Variants in NCOA3 observed in about 807,000 individuals in gnomAD.
NCOA3 encodes the protein CBP-interacting protein.
NCOA3 carries 51 observed loss-of-function variants against 158.8 expected under a neutral mutation model. That is an observed-to-expected ratio of 0.32 (90% CI 0.26 to 0.41). The LOEUF is 0.41. NCOA3 is among the 10% of genes least tolerant of loss of function. NCOA3 has a pLI of 1.00. For missense variants in NCOA3, 1,510 were observed against 1,746.6 expected, an observed-to-expected ratio of 0.86 and a Z score of 2.41; for synonymous variants, 537 against 592.4, an observed-to-expected ratio of 0.91 and a Z score of 1.36.
At chr20:47,522,045 T>G (rs2084343291) in intron 1 of NCOA3, among the ~76,000 whole-genome samples, 1 of 151,722 alleles carries the variant, frequency 6.6e-6, no homozygotes, top group African/African-American at 2.4e-5. Flanking sequence ...TTTCATTTAT[T>G]TAGGTCTTAT....
chr20:47,639,998 C>G lies in NCOA3; in HGVS notation c.3027C>G (p.Ser1009=). ...GQAAASNQLG[S]WPDGMLSMEQ... is the part of the protein sequence containing the mutation. Reference sequence around the variant, plus strand: ...CAGCAGCATCTAACCAACTGGGTTCCTGGCCCGATGGCATGTTGTCCATGG... The same window carrying G: ...CAGCAGCATCTAACCAACTGGGTTCGTGGCCCGATGGCATGTTGTCCATGG... Residue 1009 remains serine, a synonymous_variant, in exon 16 of 23, where the codon TCC becomes TCG. Transcript: ENST00000371998. 6.2e-7 allele frequency: 1 copy of G among 1,614,198 alleles called. No homozygotes were observed. Among genetic ancestry groups the G allele is most frequent in the Non-Finnish European group, 8.5e-7 (1 of 1,180,042 alleles).
chr20:47,615,882 A>G (rs1421860183), intron 2 of NCOA3, among the ~76,000 whole-genome samples: 2 of 152,100 alleles, frequency 1.3e-5, no homozygotes, highest in Non-Finnish European at 2.9e-5. Context: ...TTGTGACGAG[A>G]CGTGGTGGCT....
intron 1 of NCOA3, among the ~76,000 whole-genome samples, chr20:47,536,299 A>G (rs2084631558): frequency 6.6e-6 from 1 of 152,116 alleles, no homozygotes; most frequent in Non-Finnish European, 1.5e-5. Context: ...ATTTTTTTGT[A>G]GAGAGTGTCT....
chr20:47,634,381 T>G (rs1480955030), intron 10 of NCOA3, among the ~76,000 whole-genome samples, 186 bp downstream of exon 10: 1 of 152,218 alleles, frequency 6.6e-6, no homozygotes, highest in Admixed American at 6.5e-5. Context: ...TGAAAGTGAT[T>G]ATTTATTAAA....
chr20:47,653,107 T>C (rs772990569), intron 22 of NCOA3, 35 bp downstream of exon 22: 3 of 1,611,488 alleles, frequency 1.9e-6, no homozygotes, highest in Non-Finnish European at 2.5e-6. Context: ...TTCAAAAAGT[T>C]TTTCTTGTTC....
At chr20:47,614,393 AT>A (rs1303453851) in intron 2 of NCOA3, among the ~76,000 whole-genome samples, 1 of 152,156 alleles carries the variant, frequency 6.6e-6, no homozygotes, top group African/African-American at 2.4e-5. Flanking sequence ...GTTTTTTCTG[AT>A]TGACTTGAGC....
At chr20:47,512,688 A>C (rs1375014348) in intron 1 of NCOA3, among the ~76,000 whole-genome samples, 1 of 152,202 alleles carries the variant, frequency 6.6e-6, no homozygotes, top group Non-Finnish European at 1.5e-5. Context: ...GGAAACTGAA[A>C]ACTACAATGA....
chr20:47,635,427 C>T lies in NCOA3; in HGVS notation c.1218C>T (p.Asn406=). The T allele has an allele frequency of 2.5e-6, 4 of 1,614,144 alleles. No individual in the cohort carries two copies. The highest frequency in any genetic ancestry group is 1.7e-5 in the Admixed American group (1 of 60,022). Residue 406 remains asparagine, a synonymous_variant, in exon 11 of 23, where the codon AAC becomes AAT. Transcript: ENST00000371998. ...SSVGGMSMSP[N]QGLQMPSSRA... ...TAGGCGGCATGAGTATGTCGCCAAA[C>T]CAAGGCTTACAGATGCCGAGCAGCA...
At chr20:47,518,823 G>A (rs1422850997) in intron 1 of NCOA3, among the ~76,000 whole-genome samples, 2 of 152,084 alleles carry the variant, frequency 1.3e-5, no homozygotes, top group African/African-American at 2.4e-5. Context: ...TGACTCACAT[G>A]CACACGAACA....
intron 1 of NCOA3, among the ~76,000 whole-genome samples, chr20:47,518,037 G>A (rs3092794): frequency 0.46 from 70,429 of 151,800 alleles, 16,890 homozygotes; most frequent in Middle Eastern, 0.61. Context: ...CTGACTCGAG[G>A]GTTGAATTCT....
intron 1 of NCOA3, among the ~76,000 whole-genome samples, chr20:47,524,233 T>C (rs2084390095): frequency 6.6e-6 from 1 of 151,864 alleles, no homozygotes; most frequent in Non-Finnish European, 1.5e-5. Context: ...GAGAGAGACA[T>C]TTATTGAATT....
intron 2 of NCOA3, among the ~76,000 whole-genome samples, chr20:47,585,531 A>G (rs2085522331): frequency 6.6e-6 from 1 of 152,146 alleles, no homozygotes; most frequent in African/African-American, 2.4e-5. Context: ...TTCATTTGGT[A>G]AGCAGGCTTT....
intron 3 of NCOA3, chr20:47,623,057 A>C (rs2086266928): frequency 6.6e-6 from 1 of 152,218 alleles, no homozygotes; most frequent in South Asian, 2.1e-4. Context: ...ATGGGTTATA[A>C]GTTGATATTT....
At chr20:47,622,646 T>G (rs1479084497) in intron 3 of NCOA3, among the ~76,000 whole-genome samples, 3 of 152,146 alleles carry the variant, frequency 2.0e-5, no homozygotes, top group African/African-American at 4.8e-5. Flanking sequence ...CCACCAGACT[T>G]TGTGTGAGCA....
chr20:47,637,602 GTGTC>G (rs1413374004), intron 12 of NCOA3, 42 bp from the exon 13 acceptor site: 1 of 1,480,456 alleles, frequency 6.8e-7, no homozygotes. Context: ...TTATACCTGT[GTGTC>G]TGGTAATGTA....
chr20:47,639,349 G>T, intron 14 of NCOA3, 147 bp downstream of exon 14: 1 of 957,368 alleles, frequency 1.0e-6, no homozygotes. Flanking sequence ...TTTATTCTAT[G>T]TTTTGGTTAT....
chr20:47,543,649 ACTG>A (rs1383581546), intron 1 of NCOA3, among the ~76,000 whole-genome samples: 1 of 151,800 alleles, frequency 6.6e-6, no homozygotes, highest in Admixed American at 6.6e-5. Context: ...AGCTGGGACT[ACTG>A]GTGCGCACCA....
At chr20:47,597,972 G>A (rs1015899972) in intron 2 of NCOA3, among the ~76,000 whole-genome samples, 19 of 151,742 alleles carry the variant, frequency 1.3e-4, no homozygotes, top group African/African-American at 3.1e-4. Flanking sequence ...TCTGCCGGGC[G>A]TGGTGGCTCA....
At chr20:47,652,633 G>T (rs2086814903) in intron 21 of NCOA3, 53 bp downstream of exon 21, 21 of 1,526,274 alleles carry the variant, frequency 1.4e-5, no homozygotes, top group Non-Finnish European at 1.9e-5. Flanking sequence ...AGAAGTCCAA[G>T]AACTTAATGT....
Sources: gnomAD v4.1 joint callset for allele counts (sites outside exome capture counted in the v4.1 genomes callset) on GRCh38, gnomAD v4.1.1 for gene constraint, MANE v1.5 for transcripts, NCBI Gene and HGNC (gene_info 2026-07-23, HGNC 2026-07-21) for gene names.